Variants in RTTN observed in about 807,000 individuals in gnomAD.
RTTN encodes the protein rotatin.
A neutral mutation model predicts 269.2 loss-of-function variants in RTTN; 182 were observed. The observed-to-expected ratio is 0.68, with a 90% CI of 0.60 to 0.76. RTTN has a LOEUF of 0.76. Ranked by LOEUF, RTTN falls within the 30% of genes least tolerant of loss-of-function variation. The pLI is 0.00. For synonymous variants in RTTN, 1,006 were observed against 963.5 expected (o/e 1.04, Z -0.82); for missense variants, 2,545 against 2,608.6 (o/e 0.98, Z 0.53).
chr18:70,024,237 C>T (rs2056787866), intron 44 of RTTN, among the ~76,000 whole-genome samples: 1 of 152,158 alleles, frequency 6.6e-6, no homozygotes. Flanking sequence ...TCACTCTCAC[C>T]AGAACTCACA....
chr18:70,144,448 C>T (rs1483283029), intron 18 of RTTN, among the ~76,000 whole-genome samples: 1 of 152,200 alleles, frequency 6.6e-6, no homozygotes. Context: ...AAGTCCCTTA[C>T]TGTCACTTCA....
intron 40 of RTTN, among the ~76,000 whole-genome samples, chr18:70,035,226 T>C (rs1267658788): frequency 6.6e-6 from 1 of 152,130 alleles, no homozygotes; most frequent in Non-Finnish European, 1.5e-5. Flanking sequence ...AAAATTCATA[T>C]GGAACCAAAA....
At chr18:70,040,078 G>A (rs2057295248) in intron 40 of RTTN, among the ~76,000 whole-genome samples, 1 of 151,938 alleles carries the variant, frequency 6.6e-6, no homozygotes, top group African/African-American at 2.4e-5. Flanking sequence ...AAAACAATTA[G>A]AAAACAAATA....
intron 40 of RTTN, among the ~76,000 whole-genome samples, chr18:70,040,781 T>A (rs972563773): frequency 1.3e-5 from 2 of 152,208 alleles, no homozygotes; most frequent in Non-Finnish European, 1.5e-5. Context: ...GCATCTTCTA[T>A]GACCAGAGTA....
intron 13 of RTTN, 94 bp downstream of exon 13, chr18:70,166,825 G>A (rs2060999214): frequency 1.3e-6 from 1 of 771,870 alleles, no homozygotes; most frequent in Non-Finnish European, 2.1e-6. Context: ...TAATAACAAA[G>A]ATATACAGTC....
chr18:70,098,572 C>T (rs1390128442), intron 28 of RTTN, among the ~76,000 whole-genome samples: 3 of 152,040 alleles, frequency 2.0e-5, no homozygotes, highest in African/African-American at 7.2e-5. Flanking sequence ...TTCTAATAGA[C>T]AGCAGAAAAT....
At position 70,204,231 on chromosome 18, in the gene RTTN, A is replaced by G. The variant is rs1164076979; in HGVS notation, c.252T>C (p.Val84=). The change falls in exon 3 of 49, where the codon GTT becomes GTC. Residue 84 remains valine, a synonymous_variant. Transcript: ENST00000640769. ...YPPAVQHLVD[V]GAVEFLSKLR... is the part of the protein sequence containing the mutation. ...GCTTAGATAAGAACTCTACTGCACC[A>G]ACGTCAACCAAATGTTGGACTGCTG... 4 of 1,612,512 alleles carry G rather than the reference A, an allele frequency of 2.5e-6. No individual in the cohort carries two copies. Among genetic ancestry groups the G allele is most frequent in the Non-Finnish European group, 3.4e-6 (4 of 1,179,626 alleles).
At position 70,127,575 on chromosome 18, in the gene RTTN, A is replaced by G. The variant is rs1179887836; in HGVS notation, c.3310T>C (p.Leu1104=). Residue 1104 remains leucine, a synonymous_variant, in exon 25 of 49, where the codon TTG becomes CTG. Transcript: ENST00000640769. ...GGACCAGGGCAACCCTTTAAAGACA[A>G]TCTGTCATTCAGAAGATAAAAACTC... is the stretch of plus-strand genomic sequence containing the variant. ...RMSFYLLNDR[L]SLKGCPGPCG... 1.2e-6 allele frequency: 2 copies of G among 1,613,538 alleles called. No homozygotes were observed. Among genetic ancestry groups the G allele is most frequent in the Admixed American group, 3.3e-5 (2 of 59,854 alleles).
intron 26 of RTTN, among the ~76,000 whole-genome samples, chr18:70,120,155 A>C (rs1164301164): frequency 6.6e-6 from 1 of 152,094 alleles, no homozygotes; most frequent in Non-Finnish European, 1.5e-5. Context: ...AAGAAGAGAA[A>C]AACCTGAGAT....
chr18:70,085,742 G>A (rs11873048), intron 32 of RTTN, among the ~76,000 whole-genome samples: 126,112 of 152,094 alleles, frequency 0.83, 55,480 homozygotes, highest in East Asian at 1. Context: ...CAAATATTGC[G>A]TGTTCTCACG....
intron 47 of RTTN, 28 bp downstream of exon 47, chr18:70,006,353 A>G: frequency 2.0e-6 from 3 of 1,517,498 alleles, no homozygotes; most frequent in Non-Finnish European, 2.7e-6. Context: ...TTTGCTCCCC[A>G]GGTGTAACAA....
At chr18:70,103,949 T>G (rs992984591) in intron 28 of RTTN, among the ~76,000 whole-genome samples, 2 of 152,140 alleles carry the variant, frequency 1.3e-5, no homozygotes, top group African/African-American at 4.8e-5. Context: ...CTTTGGTGAA[T>G]CCGACAATTA....
At chr18:70,205,403 G>A (rs1263297209) in intron 1 of RTTN, 88 bp from the exon 2 acceptor site, 3 of 1,528,754 alleles carry the variant, frequency 2.0e-6, no homozygotes, top group East Asian at 2.3e-5. Context: ...GCGTGAAGAC[G>A]GAATAAACCA....
rs556023480 is a variant in RTTN at position 70,184,850 on chromosome 18, G to A, written c.1305+3258C>T. Reference sequence around the variant, plus strand: ...GTGGAGCTTACAGTGATCCGAGATGGCGCCACTGCACTCCAGCCTGGGCAA... The same window carrying A: ...GTGGAGCTTACAGTGATCCGAGATGACGCCACTGCACTCCAGCCTGGGCAA... On this transcript the variant is annotated intron_variant, in intron 10 of 48. Coordinates refer to ENST00000640769, the MANE Select transcript of RTTN (RefSeq NM_173630.4). 4.5e-4 allele frequency among the ~76,000 whole-genome samples: 66 copies of A among 146,430 alleles called. No individual in the cohort carries two copies. The East Asian group carries it at 0.013, about 28-fold the overall frequency.
intron 27 of RTTN, among the ~76,000 whole-genome samples, chr18:70,113,729 T>C (rs1204594944): frequency 1.3e-5 from 2 of 152,188 alleles, no homozygotes; most frequent in Non-Finnish European, 2.9e-5. Flanking sequence ...GAAGTAGTGA[T>C]ATTTGCTACA....
rs73966822 is a variant in RTTN, at chr18:70,179,208, G to A, written c.1306-2363C>T. Among the ~76,000 whole-genome samples the A allele has an allele frequency of 6.9e-3, 1,056 of 152,106 alleles. 17 individuals are homozygous for A. The highest frequency in any genetic ancestry group is 0.023 in the African/African-American group (974 of 41,504). ...AAACGCCCTCATACAAACAACTACT[G>A]GTCTAGAGAAAACAAATTGGAAATA... On this transcript the variant is annotated intron_variant, in intron 10 of 48. Coordinates refer to ENST00000640769, the MANE Select transcript of RTTN (RefSeq NM_173630.4).
chr18:70,097,346 A>G (rs1333110718), intron 28 of RTTN, among the ~76,000 whole-genome samples: 7 of 152,224 alleles, frequency 4.6e-5, no homozygotes, highest in African/African-American at 7.2e-5. Context: ...ATTTGGACCA[A>G]CAATGACTTT....
At chr18:70,092,637 A>G (rs1218978597) in intron 29 of RTTN, 39 bp downstream of exon 29, 3 of 1,593,056 alleles carry the variant, frequency 1.9e-6, no homozygotes, top group South Asian at 1.1e-5. Flanking sequence ...TTCCCTTTCA[A>G]GCAAATGTTC....
chr18:70,166,345 T>A lies in RTTN; in HGVS notation c.1803-157A>T, dbSNP rs1302598143. The A allele has an allele frequency of 8.0e-6, 5 of 628,818 alleles. No homozygotes were observed. In the African/African-American group the frequency reaches 9.3e-5, roughly 12 times the overall value. The allele number at this position is 628,818 out of a possible 1,614,324, so 39.0% of individuals were successfully genotyped here. A position where few individuals can be genotyped will look rare whatever the true frequency, so the allele number is the denominator to read the frequency against. On this transcript the variant is annotated intron_variant, in intron 13 of 48. Transcript: ENST00000640769. Reference sequence around the variant, plus strand: ...ACTAGCAAGTACTCACCTAAGCACTTATTTGTTTCAGGGCAGAGGAGGTTC... The same window carrying A: ...ACTAGCAAGTACTCACCTAAGCACTAATTTGTTTCAGGGCAGAGGAGGTTC...
Sources: gnomAD v4.1 joint callset for allele counts (sites outside exome capture counted in the v4.1 genomes callset) on GRCh38, gnomAD v4.1.1 for gene constraint, MANE v1.5 for transcripts, NCBI Gene and HGNC (gene_info 2026-07-23, HGNC 2026-07-21) for gene names.